STK3: variants seen among roughly 807,000 people sequenced by gnomAD.
The protein encoded by STK3 is serine/threonine-protein kinase 3.
Under a neutral mutation model 58.0 loss-of-function variants are expected in STK3, and 41 were observed. That is an observed-to-expected ratio of 0.71 (90% CI 0.55 to 0.92). STK3 has a LOEUF of 0.92. STK3 is among the 40% of genes least tolerant of loss of function. The pLI is 0.00. For missense variants in STK3, 479 were observed against 602.7 expected (o/e 0.79, Z 2.15); for synonymous variants, 170 against 191.0 (o/e 0.89, Z 0.91).
At chr8:98,781,209 T>C (rs975198474) in intron 1 of STK3, among the ~76,000 whole-genome samples, 2 of 152,150 alleles carry the variant, frequency 1.3e-5, no homozygotes, top group Admixed American at 6.5e-5. Flanking sequence ...TGTCAGACTG[T>C]AGCACAGGAA....
intron 6 of STK3, among the ~76,000 whole-genome samples, chr8:98,612,916 C>G (rs960642915): frequency 5.9e-5 from 9 of 152,160 alleles, no homozygotes; most frequent in African/African-American, 1.7e-4. Flanking sequence ...GACAGCCCCC[C>G]CTAGCAGTGT....
At chr8:98,532,834 C>T (rs1826268580) in intron 9 of STK3, among the ~76,000 whole-genome samples, 1 of 152,144 alleles carries the variant, frequency 6.6e-6, no homozygotes, top group African/African-American at 2.4e-5. Context: ...ACCCAATGAA[C>T]AACTTGCCAT....
intron 2 of STK3, among the ~76,000 whole-genome samples, chr8:98,376,302 C>T (rs551244794): frequency 1.1e-4 from 16 of 151,978 alleles, no homozygotes; most frequent in African/African-American, 1.9e-4. Flanking sequence ...TTGAGAATTC[C>T]TTCTATATTC....
chr8:98,708,595 C>T (rs1016702409), intron 4 of STK3, among the ~76,000 whole-genome samples: 2 of 152,116 alleles, frequency 1.3e-5, no homozygotes, highest in Non-Finnish European at 2.9e-5. Context: ...ATCTTCTTAA[C>T]AGTTGTAGCA....
chr8:98,733,053 C>G (rs777755066), intron 4 of STK3, among the ~76,000 whole-genome samples: 16 of 152,168 alleles, frequency 1.1e-4, no homozygotes, highest in Non-Finnish European at 1.6e-4. Flanking sequence ...GGGTACAACA[C>G]TGGATATTTA....
rs542005250 is a variant in STK3, at chr8:98,467,802, C to A, written c.1318-11802G>T. The stretch of plus-strand genomic sequence containing the variant: ...AAATTCTCCAAAACAATAATAAATA[C>A]CATAGTTGACTCTTTGAGGAAACAT... On this transcript the variant is annotated intron_variant, in intron 10 of 10. Transcript: ENST00000419617. Among the ~76,000 whole-genome samples the A allele has an allele frequency of 1.1e-3, 167 of 152,086 alleles. 1 individual carries two copies. The highest frequency in any genetic ancestry group is 1.8e-3 in the Non-Finnish European group (125 of 68,004).
chr8:98,399,605 C>T (rs1490983847), downstream of STK3, among the ~76,000 whole-genome samples: 8 of 152,232 alleles, frequency 5.3e-5, no homozygotes, highest in Non-Finnish European at 7.3e-5. Flanking sequence ...CTCTTAGCCT[C>T]AGTTTCCTTA....
intron 3 of STK3, among the ~76,000 whole-genome samples, chr8:98,839,948 T>C (rs1274340298): frequency 6.6e-6 from 1 of 152,170 alleles, no homozygotes; most frequent in African/African-American, 2.4e-5. Flanking sequence ...TATCTCTTTA[T>C]ATTTAGCCAC....
chr8:98,753,468 C>A (rs1419115309), intron 3 of STK3, among the ~76,000 whole-genome samples: 2 of 151,972 alleles, frequency 1.3e-5, no homozygotes, highest in Non-Finnish European at 2.9e-5. Flanking sequence ...TGGGGCCTAT[C>A]AGAAGGTGGA....
intron 1 of STK3, among the ~76,000 whole-genome samples, chr8:98,810,109 T>G (rs1233291147): frequency 2.0e-5 from 3 of 152,072 alleles, no homozygotes; most frequent in African/African-American, 7.2e-5. Flanking sequence ...CCAGATCTCG[T>G]GAGAACCCTA....
In STK3 at chr8:98,793,817, C is replaced by A. The variant is rs564759224; in HGVS notation, c.27-18998G>T. Reference sequence around the variant, plus strand: ...GCCATAAAACATGTCTCAATTAATTCAAAAAAAAAACAAAATCATACCAAC... The same window carrying A: ...GCCATAAAACATGTCTCAATTAATTAAAAAAAAAAACAAAATCATACCAAC... On this transcript the variant is annotated intron_variant, in intron 1 of 10. Transcript: ENST00000419617. Among the ~76,000 whole-genome samples, 843 of 143,960 alleles carry A rather than the reference C, an allele frequency of 5.9e-3. 9 individuals carry two copies. Among genetic ancestry groups the A allele is most frequent in the African/African-American group, 0.02 (802 of 39,364 alleles). The allele number at this position is 143,960 out of a possible 152,430, so 94.4% of individuals were successfully genotyped here.
intron 1 of STK3, among the ~76,000 whole-genome samples, chr8:98,443,336 G>A (rs1254561717): frequency 4.6e-5 from 7 of 152,180 alleles, no homozygotes; most frequent in Non-Finnish European, 1.5e-5. Context: ...TCTAACTCAG[G>A]TTTGGGCGAT....
chr8:98,760,461 G>A (rs1044774781), intron 3 of STK3, among the ~76,000 whole-genome samples: 1 of 152,146 alleles, frequency 6.6e-6, no homozygotes, highest in African/African-American at 2.4e-5. Context: ...TTTTAAAGAG[G>A]AGTAAGCAGC....
At chr8:98,808,842 AG>A (rs1371897366) in intron 1 of STK3, among the ~76,000 whole-genome samples, 1 of 152,202 alleles carries the variant, frequency 6.6e-6, no homozygotes, top group East Asian at 1.9e-4. Context: ...ACAAAGCTGC[AG>A]GGGAGTGGGT....
intron 6 of STK3, among the ~76,000 whole-genome samples, chr8:98,634,053 A>C (rs1819449068): frequency 6.6e-6 from 1 of 152,216 alleles, no homozygotes; most frequent in Non-Finnish European, 1.5e-5. Context: ...ATGTGGACGA[A>C]AAGAAGGGGA....
At chr8:98,769,344 T>C (rs1383743873) in intron 2 of STK3, among the ~76,000 whole-genome samples, 1 of 152,152 alleles carries the variant, frequency 6.6e-6, no homozygotes, top group Non-Finnish European at 1.5e-5. Flanking sequence ...GGGCAGGTCT[T>C]TCCCATGCTG....
chr8:98,427,894 A>T, intron 3 of STK3: 1 of 1,209,698 alleles, frequency 8.3e-7, no homozygotes, highest in African/African-American at 1.5e-5. Context: ...GGGCCCCGCC[A>T]GGGCGCACGG....
intron 3 of STK3, among the ~76,000 whole-genome samples, chr8:98,423,134 T>C (rs1297337564): frequency 1.3e-5 from 2 of 152,184 alleles, no homozygotes; most frequent in Non-Finnish European, 2.9e-5. Flanking sequence ...GGGCCAAGAC[T>C]CTGGCAGGCA....
intron 1 of STK3, among the ~76,000 whole-genome samples, chr8:98,912,546 T>C (rs1026686150): frequency 2.0e-5 from 3 of 152,248 alleles, no homozygotes; most frequent in South Asian, 2.1e-4. Context: ...GCTCTCTTCA[T>C]AGGGATGGAA....
Sources: allele counts gnomAD v4.1 joint callset (sites outside exome capture counted in the v4.1 genomes callset), GRCh38; gene constraint gnomAD v4.1.1; transcripts MANE v1.5; gene names NCBI Gene and HGNC (gene_info 2026-07-23, HGNC 2026-07-21).